The following SLC25A21 variants were observed in gnomAD, a reference collection of about 807,000 sequenced individuals.
The protein encoded by SLC25A21 is solute carrier family 25 member 21, also known as mitochondrial 2-oxodicarboxylate carrier.
A neutral mutation model predicts 43.8 loss-of-function variants in SLC25A21; 47 were observed. That is an observed-to-expected ratio of 1.07 (90% CI 0.85 to 1.37). The LOEUF (loss-of-function observed/expected upper bound fraction) is 1.37, where lower values mean the gene tolerates loss of function less well. SLC25A21 is among the 40% of genes most tolerant of loss of function. The pLI, the probability that SLC25A21 is intolerant of heterozygous loss-of-function variation, is 0.00. For missense variants in SLC25A21, 352 were observed against 350.2 expected (o/e 1.00, Z -0.04); for synonymous variants, 131 against 121.3 (o/e 1.08, Z -0.52).
rs574564655 is a variant in SLC25A21 at position 37,036,816 on chromosome 14, C to G, written c.70+135465G>C. Among the ~76,000 whole-genome samples the G allele has an allele frequency of 7.5e-4, 114 of 152,210 alleles. 1 individual carries two copies. The highest frequency in any genetic ancestry group is 2.2e-3 in the Admixed American group (33 of 15,290). ...GAATAAAGTGAAAGACTACATACAT[C>G]AGGGGAGAAGAAAGCCTGAGAAAAG... On this transcript the variant is annotated intron_variant, in intron 1 of 9. Coordinates refer to ENST00000331299, the MANE Select transcript of SLC25A21 (RefSeq NM_030631.4).
At chr14:37,172,079 T>C (rs1312168110) in intron 1 of SLC25A21, 5 of 563,760 alleles carry the variant, frequency 8.9e-6, no homozygotes, top group Non-Finnish European at 1.5e-5. Context: ...GAGGCAACTT[T>C]ACTTGGGGCA....
intron 1 of SLC25A21, among the ~76,000 whole-genome samples, chr14:36,999,968 T>C (rs993633930): frequency 6.6e-6 from 1 of 152,130 alleles, no homozygotes; most frequent in Non-Finnish European, 1.5e-5. Context: ...TCTAGAACAA[T>C]GCCTGACACA....
At chr14:37,047,312 T>G (rs772119112) in intron 1 of SLC25A21, among the ~76,000 whole-genome samples, 4 of 152,230 alleles carry the variant, frequency 2.6e-5, no homozygotes, top group Non-Finnish European at 4.4e-5. Context: ...CTGCCCAGCA[T>G]GTCTAAGACA....
intron 2 of SLC25A21, among the ~76,000 whole-genome samples, chr14:36,822,851 T>C (rs1411768052): frequency 6.6e-6 from 1 of 152,256 alleles, no homozygotes; most frequent in Non-Finnish European, 1.5e-5. Context: ...CTGTACACTT[T>C]ACAATTCAGT....
At chr14:36,867,311 T>A (rs554831898) in intron 2 of SLC25A21, among the ~76,000 whole-genome samples, 1 of 152,320 alleles carries the variant, frequency 6.6e-6, no homozygotes, top group South Asian at 2.1e-4. Context: ...CCTTTTTCAA[T>A]GAAGACGACA....
At position 36,901,470 on chromosome 14, in the gene SLC25A21, A is replaced by C. The variant is rs184856045; in HGVS notation, c.71-26466T>G. On this transcript the variant is annotated intron_variant, in intron 1 of 9. Coordinates refer to ENST00000331299, the MANE Select transcript of SLC25A21 (RefSeq NM_030631.4). ...ATTAGAGGATAAGATGTACTTTTAA[A>C]GCTAACTACATAAGCATAAACTCTA... is the stretch of plus-strand genomic sequence containing the variant. Among the ~76,000 whole-genome samples the C allele has an allele frequency of 1.3e-3, 196 of 152,306 alleles. 1 individual carries two copies. Among genetic ancestry groups the C allele is most frequent in the African/African-American group, 4.5e-3 (188 of 41,586 alleles).
chr14:36,967,241 G>A (rs927676530), intron 1 of SLC25A21, among the ~76,000 whole-genome samples: 4 of 152,102 alleles, frequency 2.6e-5, no homozygotes, highest in African/African-American at 7.2e-5. Context: ...GACCTTCCTC[G>A]CCTTCATATT....
intron 2 of SLC25A21, among the ~76,000 whole-genome samples, chr14:36,827,123 GC>G (rs1401594505): frequency 3.2e-4 from 48 of 152,266 alleles, no homozygotes; most frequent in African/African-American, 1.1e-3. Context: ...GCCCTTCTGT[GC>G]TTTTTATGTT....
rs148959656 is a variant in SLC25A21, at chr14:36,850,907, C to T, written c.119+24049G>A. Among the ~76,000 whole-genome samples, 94 of 152,260 alleles carry T rather than the reference C, an allele frequency of 6.2e-4. 1 individual carries two copies. Among genetic ancestry groups the T allele is most frequent in the African/African-American group, 2.2e-3 (90 of 41,548 alleles). On this transcript the variant is annotated intron_variant, in intron 2 of 9. Transcript: ENST00000331299. ...ATATAGGGAGTGCACACAGGGACCACGGCTGGCAACAGAGAGTCCTTTCTT... is the reference window on the plus strand; with the variant it reads ...ATATAGGGAGTGCACACAGGGACCATGGCTGGCAACAGAGAGTCCTTTCTT...
intron 1 of SLC25A21, among the ~76,000 whole-genome samples, chr14:36,965,725 C>A (rs1340917378): frequency 2.0e-5 from 3 of 152,126 alleles, no homozygotes; most frequent in Non-Finnish European, 4.4e-5. Context: ...ACTCTCTCAT[C>A]CTAATAGATT....
intron 1 of SLC25A21, among the ~76,000 whole-genome samples, chr14:37,004,761 C>CACCT (rs1960561325): frequency 6.8e-6 from 1 of 147,960 alleles, no homozygotes. Context: ...TGGTCAGAAG[C>CACCT]ACCTGCTGTG....
At chr14:36,691,625 G>A (rs1026559717) in intron 7 of SLC25A21, among the ~76,000 whole-genome samples, 3 of 152,146 alleles carry the variant, frequency 2.0e-5, no homozygotes, top group East Asian at 1.9e-4. Flanking sequence ...AGGCCAAGGC[G>A]GGAGGATAGC....
intron 3 of SLC25A21, among the ~76,000 whole-genome samples, chr14:36,800,515 T>C (rs1038947938): frequency 1.3e-5 from 2 of 152,018 alleles, no homozygotes; most frequent in Admixed American, 6.6e-5. Context: ...TCCACTTACA[T>C]GAGATACCTA....
intron 1 of SLC25A21, among the ~76,000 whole-genome samples, chr14:36,994,933 C>T (rs1960339886): frequency 6.6e-6 from 1 of 152,178 alleles, no homozygotes; most frequent in South Asian, 2.1e-4. Flanking sequence ...TTCTATCCTT[C>T]CTCCACTGCA....
chr14:37,076,676 C>T (rs895018527), intron 1 of SLC25A21, among the ~76,000 whole-genome samples: 7 of 151,432 alleles, frequency 4.6e-5, no homozygotes, highest in South Asian at 2.1e-4. Flanking sequence ...TTAGTAGAGA[C>T]GGGGTTTCAC....
Position 36,884,757 on chromosome 14 carries a change from T to C in SLC25A21, c.71-9753A>G, listed in dbSNP as rs570752270. Among the ~76,000 whole-genome samples, 4 of 152,336 alleles carry C rather than the reference T, an allele frequency of 2.6e-5. No homozygotes were observed. In the East Asian group the frequency reaches 7.7e-4, roughly 29 times the overall value. ...TGATGAGCATTTTTCTATATGTCTG[T>C]TGGCTGCCTGTATGTCTTTTTTTGA... On this transcript the variant is annotated intron_variant, in intron 1 of 9. Transcript: ENST00000331299.
chr14:36,842,137 T>G (rs1165353555), intron 2 of SLC25A21, among the ~76,000 whole-genome samples: 3 of 152,188 alleles, frequency 2.0e-5, no homozygotes, highest in Admixed American at 6.5e-5. Context: ...CAGCCCAGCA[T>G]CTGTACACAA....
At chr14:36,892,836 A>G (rs1335243942) in intron 1 of SLC25A21, among the ~76,000 whole-genome samples, 1 of 152,010 alleles carries the variant, frequency 6.6e-6, no homozygotes, top group Admixed American at 6.6e-5. Context: ...GCTGAGAATG[A>G]TGGTCTCTAG....
At chr14:37,112,808 A>T (rs1488139309) in intron 1 of SLC25A21, among the ~76,000 whole-genome samples, 1 of 152,184 alleles carries the variant, frequency 6.6e-6, no homozygotes, top group Admixed American at 6.6e-5. Context: ...AACAGAAGTA[A>T]CATGAATTCC....
Sources: gnomAD v4.1 joint callset for allele counts (sites outside exome capture counted in the v4.1 genomes callset) on GRCh38, gnomAD v4.1.1 for gene constraint, MANE v1.5 for transcripts, NCBI Gene and HGNC (gene_info 2026-07-23, HGNC 2026-07-21) for gene names.